VAPA: variants seen among roughly 807,000 people sequenced by gnomAD.
VAPA encodes the protein vesicle-associated membrane protein-associated protein A.
In VAPA, 6 loss-of-function variants were observed where a neutral mutation model predicts 25.6. The ratio of observed to expected loss-of-function variants is 0.23; its 90% CI spans 0.13 to 0.46. The LOEUF (loss-of-function observed/expected upper bound fraction) is 0.46, where lower values mean the gene tolerates loss of function less well. Ranked by LOEUF, VAPA falls within the 20% of genes least tolerant of loss-of-function variation. The pLI, the probability that VAPA is intolerant of heterozygous loss-of-function variation, is 0.99. For missense variants in VAPA, 244 were observed against 302.1 expected (o/e 0.81, Z 1.43); for synonymous variants, 112 against 106.2 (o/e 1.05, Z -0.34).
intron 1 of VAPA, among the ~76,000 whole-genome samples, chr18:9,918,558 C>G (rs1051465384): frequency 2.6e-5 from 4 of 152,154 alleles, no homozygotes; most frequent in Admixed American, 2.0e-4. Context: ...TCTATAACAG[C>G]ATTGTCTTCT....
At chr18:9,952,957 A>C (rs1047236437) in intron 5 of VAPA, among the ~76,000 whole-genome samples, 1 of 152,242 alleles carries the variant, frequency 6.6e-6, no homozygotes, top group African/African-American at 2.4e-5. Flanking sequence ...TCTTTTAGTT[A>C]GTGTTTATTT....
rs564302756 is a variant in VAPA, at chr18:9,918,988, C to T, written c.79+4653C>T. On this transcript the variant is annotated intron_variant, in intron 1 of 5. Transcript: ENST00000400000. Reference sequence around the variant, plus strand: ...CGTTCTTGGCTCACTGCAGCCGTGACCTCCTGGGCTCAAGTGATCCTCCTG... The same window carrying T: ...CGTTCTTGGCTCACTGCAGCCGTGATCTCCTGGGCTCAAGTGATCCTCCTG... Among the ~76,000 whole-genome samples, 3 of 152,222 alleles carry T rather than the reference C, an allele frequency of 2.0e-5. No homozygotes were observed. In the South Asian group the frequency reaches 6.2e-4, roughly 32 times the overall value.
chr18:9,934,532 T>C (rs543650991), intron 2 of VAPA, among the ~76,000 whole-genome samples: 2 of 152,366 alleles, frequency 1.3e-5, no homozygotes, highest in South Asian at 2.1e-4. Flanking sequence ...TTAACCTTGA[T>C]AGCAGTTAAT....
At chr18:9,922,639 T>G (rs1436731577) in intron 1 of VAPA, among the ~76,000 whole-genome samples, 3 of 152,080 alleles carry the variant, frequency 2.0e-5, no homozygotes, top group African/African-American at 7.2e-5. Flanking sequence ...GTTATAGGTT[T>G]CAGACCTTCA....
At chr18:9,918,625 A>G (rs1266379661) in intron 1 of VAPA, among the ~76,000 whole-genome samples, 1 of 152,162 alleles carries the variant, frequency 6.6e-6, no homozygotes, top group Non-Finnish European at 1.5e-5. Flanking sequence ...TCAAATGCTC[A>G]TGTTTCTGAG....
chr18:9,922,698 C>G (rs1356064978), intron 1 of VAPA, among the ~76,000 whole-genome samples: 1 of 151,816 alleles, frequency 6.6e-6, no homozygotes, highest in Non-Finnish European at 1.5e-5. Flanking sequence ...GGACCAGTGG[C>G]AAGCAGAAGC....
rs1255839494 is a variant in VAPA, at chr18:9,936,872, T to C, written c.337-114T>C. 1.1e-5 allele frequency: 8 copies of C among 757,550 alleles called. No individual in the cohort carries two copies. In the East Asian group the frequency reaches 1.6e-4, roughly 15 times the overall value. 46.9% of individuals were successfully genotyped at this position (757,550 alleles called of 1,614,324 possible). A position where few individuals can be genotyped will look rare whatever the true frequency, so the allele number is the denominator to read the frequency against. On this transcript the variant is annotated intron_variant, in intron 3 of 5. Coordinates refer to ENST00000400000, the MANE Select transcript of VAPA (RefSeq NM_194434.3). Reference sequence around the variant, plus strand: ...GGGTGATCAATAAAGAGTGCACCAGTGTGTTTCAGCCAAGCCAGGCAGCTT... The same window carrying C: ...GGGTGATCAATAAAGAGTGCACCAGCGTGTTTCAGCCAAGCCAGGCAGCTT...
chr18:9,945,664 A>T (rs983958103), intron 4 of VAPA, among the ~76,000 whole-genome samples: 1 of 152,014 alleles, frequency 6.6e-6, no homozygotes, highest in Non-Finnish European at 1.5e-5. Flanking sequence ...ACATGTGGCA[A>T]CCCCACAGTT....
At position 9,937,048 on chromosome 18, in the gene VAPA, C is replaced by T; in HGVS notation, c.399C>T (p.Pro133=). ...DSKLRCVFEM[P]NENDKLNDME... is the part of the protein sequence containing the mutation. The stretch of plus-strand genomic sequence containing the variant: ...AATTGAGATGCGTATTTGAAATGCC[C>T]AATGAAAATGATAAATTGGTAAGTA... Residue 133 remains proline, a synonymous_variant, in exon 4 of 6, where the codon CCC becomes CCT. Coordinates refer to ENST00000400000, the MANE Select transcript of VAPA (RefSeq NM_194434.3). 6.2e-7 allele frequency: 1 copy of T among 1,613,220 alleles called. No individual in the cohort carries two copies. The highest frequency in any genetic ancestry group is 1.1e-5 in the South Asian group (1 of 90,984).
chr18:9,936,574 CAAAA>C (rs1052019093), intron 3 of VAPA: 15 of 196,656 alleles, frequency 7.6e-5, no homozygotes, highest in African/African-American at 1.9e-4. Context: ...AAACAAAAAA[CAAAA>C]AAAACCACCA....
Position 9,943,841 on chromosome 18 carries a change from C to CTTTTTTTTTTTTTT in VAPA, c.418-6530_418-6517dup, listed in dbSNP as rs71169911. On this transcript the variant is annotated intron_variant, in intron 4 of 5. Coordinates refer to ENST00000400000, the MANE Select transcript of VAPA (RefSeq NM_194434.3). ...TGACATTTGAAGGTGACATATTTCC[C>CTTTTTTTTTTTTTT]TTTTTTTTTTTTTTTTTTTTTTTTT... Among the ~76,000 whole-genome samples the CTTTTTTTTTTTTTT allele has an allele frequency of 2.5e-4, 13 of 51,770 alleles. 5 individuals carry two copies. Among genetic ancestry groups the CTTTTTTTTTTTTTT allele is most frequent in the Admixed American group, 6.1e-4 (2 of 3,266 alleles). 34.0% of individuals were successfully genotyped at this position (51,770 alleles called of 152,430 possible).
chr18:9,932,403 A>T (rs1166026789), intron 2 of VAPA, among the ~76,000 whole-genome samples: 1 of 152,194 alleles, frequency 6.6e-6, no homozygotes, highest in Non-Finnish European at 1.5e-5. Flanking sequence ...ATGAGTCTTT[A>T]TGCCTTTCAT....
chr18:9,924,290 C>T (rs540323258), intron 1 of VAPA, among the ~76,000 whole-genome samples: 26 of 152,028 alleles, frequency 1.7e-4, no homozygotes, highest in Non-Finnish European at 3.1e-4. Context: ...AGATGTGGAC[C>T]GCTCGTTTCT....
chr18:9,940,410 T>A (rs2069355029), intron 4 of VAPA, among the ~76,000 whole-genome samples: 1 of 152,120 alleles, frequency 6.6e-6, no homozygotes, highest in Non-Finnish European at 1.5e-5. Context: ...ATCGACCGGG[T>A]ACCTGTGACA....
At chr18:9,925,000 G>A (rs29206) in intron 1 of VAPA, 1 of 151,862 alleles carries the variant, frequency 6.6e-6, no homozygotes, top group Non-Finnish European at 1.5e-5. Context: ...ATTTAGGTAC[G>A]TGTTTATGTA....
chr18:9,952,260 G>A (rs1307926601), intron 5 of VAPA, among the ~76,000 whole-genome samples: 1 of 152,100 alleles, frequency 6.6e-6, no homozygotes, highest in Non-Finnish European at 1.5e-5. Context: ...TGATTCTGCT[G>A]CTGGAAAAGT....
chr18:9,934,029 T>C (rs570108720), intron 2 of VAPA, among the ~76,000 whole-genome samples: 19 of 152,344 alleles, frequency 1.2e-4, no homozygotes, highest in African/African-American at 3.8e-4. Flanking sequence ...ACCTGACTTA[T>C]TAAAACCTTC....
At position 9,950,487 on chromosome 18, in the gene VAPA, C is replaced by G; in HGVS notation, c.510C>G (p.Thr170=). ...CACACAGTGTTTCACTTAATGATAC[C>G]GAAACAAGGAAACTAATGGAAGAGT... ...PKPHSVSLND[T]ETRKLMEECK... The change falls in exon 5 of 6, where the codon ACC becomes ACG. Residue 170 remains threonine (T), a synonymous_variant. Transcript: ENST00000400000. 6.2e-7 allele frequency: 1 copy of G among 1,613,770 alleles called. No homozygotes were observed. Among genetic ancestry groups the G allele is most frequent in the Admixed American group, 1.7e-5 (1 of 59,980 alleles).
chr18:9,918,772 G>A (rs988876133), intron 1 of VAPA, among the ~76,000 whole-genome samples: 1 of 152,138 alleles, frequency 6.6e-6, no homozygotes, highest in Admixed American at 6.5e-5. Flanking sequence ...ACATTTTACC[G>A]TCAGTCAAGA....
Sources: gnomAD v4.1 joint callset for allele counts (sites outside exome capture counted in the v4.1 genomes callset) on GRCh38, gnomAD v4.1.1 for gene constraint, MANE v1.5 for transcripts, NCBI Gene and HGNC (gene_info 2026-07-23, HGNC 2026-07-21) for gene names.